Variants in SLC12A1 observed in about 807,000 individuals in gnomAD.
The protein encoded by SLC12A1 is Na-K-2Cl cotransporter.
In SLC12A1, 89 loss-of-function variants were observed where a neutral mutation model predicts 130.4. The observed-to-expected ratio is 0.68, with a 90% CI of 0.58 to 0.81. The LOEUF is 0.81. SLC12A1 is among the 40% of genes least tolerant of loss of function. SLC12A1 has a pLI of 0.00. For missense variants in SLC12A1, 1,310 were observed against 1,336.4 expected (o/e 0.98, Z 0.31); for synonymous variants, 499 against 460.0 (o/e 1.08, Z -1.09).
intron 8 of SLC12A1, among the ~76,000 whole-genome samples, 193 bp from the exon 9 acceptor site, chr15:48,234,684 C>T (rs2041419208): frequency 1.3e-5 from 2 of 151,244 alleles, no homozygotes; most frequent in Admixed American, 1.3e-4. Context: ...ACCTGGGAGG[C>T]AGAGGTTGCA....
chr15:48,288,390 T>C lies in SLC12A1; in HGVS notation c.2762-15T>C, dbSNP rs1409800851. On this transcript the variant is annotated splice_polypyrimidine_tract_variant and intron_variant, in intron 22 of 26. Coordinates refer to ENST00000380993, the MANE Select transcript of SLC12A1 (RefSeq NM_000338.3). ...TAGATATACTCATTGTGTCATAATT[T>C]ATTCTTTATTCCAGGGTTAACACTT... 3 of 1,321,278 alleles carry C rather than the reference T, an allele frequency of 2.3e-6. No homozygotes were observed. The highest frequency in any genetic ancestry group is 2.9e-5 in the African/African-American group (2 of 68,072). The allele number at this position is 1,321,278 out of a possible 1,614,324, so 81.8% of individuals were successfully genotyped here.
At chr15:48,255,989 A>T in intron 16 of SLC12A1, 79 bp downstream of exon 16, 1 of 848,912 alleles carries the variant, frequency 1.2e-6, no homozygotes, top group South Asian at 1.4e-5. Context: ...AGGGCATTCA[A>T]GTAGTTATAA....
chr15:48,251,895 C>A, intron 15 of SLC12A1, 125 bp downstream of exon 15: 1 of 794,122 alleles, frequency 1.3e-6, no homozygotes, highest in Non-Finnish European at 2.0e-6. Context: ...TTAATAATAT[C>A]GTGCAATATA....
intron 17 of SLC12A1, among the ~76,000 whole-genome samples, chr15:48,260,091 C>A (rs1427991534): frequency 6.6e-6 from 1 of 151,852 alleles, no homozygotes; most frequent in African/African-American, 2.4e-5. Flanking sequence ...ATGGCAAAAC[C>A]CTCTCTCTAC....
At chr15:48,299,084 G>A in intron 24 of SLC12A1, 56 bp from the exon 25 acceptor site, 1 of 1,504,970 alleles carries the variant, frequency 6.6e-7, no homozygotes, top group South Asian at 1.2e-5. Flanking sequence ...TGGAGTATCT[G>A]TGAAATAATG....
intron 15 of SLC12A1, among the ~76,000 whole-genome samples, chr15:48,252,161 C>A (rs959630129): frequency 6.6e-6 from 1 of 152,164 alleles, no homozygotes; most frequent in African/African-American, 2.4e-5. Flanking sequence ...CGAGATCACA[C>A]CACTGCACTC....
intron 14 of SLC12A1, among the ~76,000 whole-genome samples, chr15:48,250,447 T>C (rs1352122746): frequency 1.3e-5 from 2 of 152,220 alleles, no homozygotes; most frequent in African/African-American, 2.4e-5. Context: ...TAACGAATAC[T>C]AGGCTACAGA....
intron 6 of SLC12A1, 90 bp downstream of exon 6, chr15:48,229,418 A>C: frequency 1.5e-6 from 2 of 1,315,078 alleles, no homozygotes; most frequent in African/African-American, 1.5e-5. Flanking sequence ...ATTACAGCTA[A>C]ATGAGAGGAA....
rs2042125245 is a variant in SLC12A1 at position 48,291,863 on chromosome 15, AG to A, written c.2960+1del. Reference sequence around the variant, plus strand: ...CATCAACATTAGGCCAAACAAAGAGAGGTATGAAATATTTAACAAGAGACAT... The same window carrying A: ...CATCAACATTAGGCCAAACAAAGAGAGTATGAAATATTTAACAAGAGACAT... ...GDINIRPNKE[S>X]WKVFEEMIEP... On this transcript the variant is annotated frameshift_variant and splice_region_variant, in exon 24 of 27. Coordinates refer to ENST00000380993, the MANE Select transcript of SLC12A1 (RefSeq NM_000338.3). LOFTEE classifies it high-confidence loss of function. The A allele has an allele frequency of 1.3e-6, 2 of 1,544,550 alleles. No homozygotes were observed. Among genetic ancestry groups the A allele is most frequent in the African/African-American group, 2.7e-5 (2 of 73,482 alleles).
intron 18 of SLC12A1, 45 bp from the exon 19 acceptor site, chr15:48,269,613 C>T (rs1035018594): frequency 5.0e-6 from 5 of 990,472 alleles, no homozygotes; most frequent in African/African-American, 4.8e-5. Context: ...ATGGTAGTTT[C>T]CCAGTACGGT....
At chr15:48,220,140 TA>T (rs1411991559) in intron 2 of SLC12A1, among the ~76,000 whole-genome samples, 1 of 126,314 alleles carries the variant, frequency 7.9e-6, no homozygotes, top group Non-Finnish European at 1.5e-5. Context: ...GGTAGATAGA[TA>T]GATAGATAGA....
chr15:48,232,113 A>G (rs2041388000), intron 7 of SLC12A1, among the ~76,000 whole-genome samples: 1 of 152,240 alleles, frequency 6.6e-6, no homozygotes, highest in South Asian at 2.1e-4. Flanking sequence ...GGAAATAGCT[A>G]TGCAAGAAGT....
chr15:48,274,194 G>T (rs1459883228), intron 19 of SLC12A1, among the ~76,000 whole-genome samples: 1 of 152,146 alleles, frequency 6.6e-6, no homozygotes, highest in African/African-American at 2.4e-5. Flanking sequence ...GGGGGTGGTG[G>T]CTAATCATTT....
chr15:48,300,014 T>C (rs2042215871), intron 25 of SLC12A1, among the ~76,000 whole-genome samples: 1 of 152,168 alleles, frequency 6.6e-6, no homozygotes, highest in Non-Finnish European at 1.5e-5. Flanking sequence ...TTAAGTATAA[T>C]TGCAGGCATT....
intron 15 of SLC12A1, among the ~76,000 whole-genome samples, chr15:48,252,777 A>G (rs1406648765): frequency 6.6e-6 from 1 of 152,144 alleles, no homozygotes; most frequent in African/African-American, 2.4e-5. Context: ...CAGAAGGTGA[A>G]GCATGAATGA....
At chr15:48,254,756 C>T (rs903281990) in intron 15 of SLC12A1, among the ~76,000 whole-genome samples, 2 of 151,802 alleles carry the variant, frequency 1.3e-5, no homozygotes, top group African/African-American at 4.8e-5. Flanking sequence ...TCCGTCTCTA[C>T]TTAAAAAAAT....
intron 19 of SLC12A1, 101 bp from the exon 20 acceptor site, chr15:48,274,470 T>A: frequency 1.3e-6 from 1 of 768,630 alleles, no homozygotes; most frequent in South Asian, 1.5e-5. Context: ...ATTTTAATAG[T>A]TTCATTATAT....
intron 16 of SLC12A1, 133 bp from the exon 17 acceptor site, chr15:48,259,067 G>T: frequency 1.6e-6 from 1 of 615,498 alleles, no homozygotes. Flanking sequence ...ATACTGGTGC[G>T]AAACCCAAAA....
intron 19 of SLC12A1, among the ~76,000 whole-genome samples, chr15:48,271,861 A>C (rs1447831508): frequency 1.3e-5 from 2 of 152,200 alleles, no homozygotes; most frequent in Middle Eastern, 3.2e-3. Flanking sequence ...TTGGAAATTG[A>C]CCAGATCTGT....
Sources: allele counts gnomAD v4.1 joint callset (sites outside exome capture counted in the v4.1 genomes callset), GRCh38; gene constraint gnomAD v4.1.1; transcripts MANE v1.5; gene names NCBI Gene and HGNC (gene_info 2026-07-23, HGNC 2026-07-21).